PLEKHA7: variants seen among roughly 807,000 people sequenced by gnomAD.
PLEKHA7 encodes the protein pleckstrin homology domain-containing family A member 7.
PLEKHA7 carries 104 observed loss-of-function variants against 170.0 expected under a neutral mutation model. The observed-to-expected ratio is 0.61, with a 90% confidence interval of 0.52 to 0.72. The LOEUF is 0.72. PLEKHA7 is among the 30% of genes least tolerant of loss of function. The pLI is 0.00. For synonymous variants in PLEKHA7, 648 were observed against 660.8 expected, an observed-to-expected ratio of 0.98 and a Z score of 0.30; for missense variants, 1,615 against 1,671.7, an observed-to-expected ratio of 0.97 and a Z score of 0.59.
chr11:16,892,439 GTT>G (rs1856705517), intron 3 of PLEKHA7, among the ~76,000 whole-genome samples: 2 of 97,724 alleles, frequency 2.0e-5, no homozygotes, highest in East Asian at 2.2e-4. Context: ...TGTGTGTTTT[GTT>G]TTGTTTTGTT....
In PLEKHA7 at chr11:16,888,364, C is replaced by A. The variant is rs564820308; in HGVS notation, c.222-17182G>T. ...GGTGTACCCAACAGCTCATTGAGAGCGGGCCAATGATGACGATGGCGGTTT... is the reference window on the plus strand; with the variant it reads ...GGTGTACCCAACAGCTCATTGAGAGAGGGCCAATGATGACGATGGCGGTTT... On this transcript the variant is annotated intron_variant, in intron 3 of 26. Coordinates refer to ENST00000531066, the MANE Select transcript of PLEKHA7 (RefSeq NM_001329630.2). Among the ~76,000 whole-genome samples, 9 of 152,236 alleles carry A rather than the reference C, an allele frequency of 5.9e-5. No homozygotes were observed. The East Asian group carries it at 1.7e-3, about 29-fold the overall frequency.
At chr11:16,931,451 A>G (rs1243342704) in intron 3 of PLEKHA7, among the ~76,000 whole-genome samples, 1 of 152,150 alleles carries the variant, frequency 6.6e-6, no homozygotes, top group Non-Finnish European at 1.5e-5. Flanking sequence ...GGCCAGGTAC[A>G]GTGGCTCACA....
chr11:16,928,444 T>A (rs1295491138), intron 3 of PLEKHA7, among the ~76,000 whole-genome samples: 2 of 127,606 alleles, frequency 1.6e-5, no homozygotes, highest in Admixed American at 1.5e-4. Flanking sequence ...TGCCCCCAGA[T>A]TTTTTTTTTT....
At chr11:16,882,907 G>A (rs1179483253) in intron 3 of PLEKHA7, among the ~76,000 whole-genome samples, 3 of 151,838 alleles carry the variant, frequency 2.0e-5, no homozygotes, top group East Asian at 3.9e-4. Context: ...AGTGGGTGTC[G>A]TCATAGAAAA....
intron 3 of PLEKHA7, among the ~76,000 whole-genome samples, chr11:17,011,945 CTT>C (rs1865344497): frequency 9.4e-6 from 1 of 106,750 alleles, no homozygotes; most frequent in African/African-American, 3.2e-5. Context: ...ATCTTTGCCT[CTT>C]CTCTTTCTCC....
At chr11:16,855,619 C>T in intron 5 of PLEKHA7, 184 bp downstream of exon 5, 1 of 596,900 alleles carries the variant, frequency 1.7e-6, no homozygotes, top group Non-Finnish European at 3.0e-6. Flanking sequence ...CAGCAATCAC[C>T]TGTTCTGCTG....
At chr11:16,782,124 CAT>C (rs1178091430) in intron 26 of PLEKHA7, among the ~76,000 whole-genome samples, 8 of 151,554 alleles carry the variant, frequency 5.3e-5, no homozygotes, top group African/African-American at 1.9e-4. Context: ...CACAGACACA[CAT>C]ACACACACAC....
chr11:16,814,947 G>A (rs1590204106), intron 12 of PLEKHA7, among the ~76,000 whole-genome samples: 1 of 152,214 alleles, frequency 6.6e-6, no homozygotes, highest in South Asian at 2.1e-4. Context: ...AGCCAGAGAA[G>A]CGACAGTTTA....
chr11:16,822,660 A>G (rs137949280), intron 10 of PLEKHA7, among the ~76,000 whole-genome samples: 2 of 152,254 alleles, frequency 1.3e-5, no homozygotes, highest in African/African-American at 4.8e-5. Context: ...CATCTCCTTC[A>G]GGTGACTTAG....
intron 3 of PLEKHA7, among the ~76,000 whole-genome samples, chr11:16,909,984 C>T (rs1270859291): frequency 6.6e-6 from 1 of 151,866 alleles, no homozygotes; most frequent in Non-Finnish European, 1.5e-5. Flanking sequence ...GCAATGGCCA[C>T]CAAGAAGAGG....
intron 3 of PLEKHA7, among the ~76,000 whole-genome samples, chr11:16,955,875 A>C (rs1432174736): frequency 6.6e-6 from 1 of 152,152 alleles, no homozygotes; most frequent in Non-Finnish European, 1.5e-5. Flanking sequence ...AAAGAGGGGG[A>C]TTCTAGAGAC....
intron 26 of PLEKHA7, among the ~76,000 whole-genome samples, chr11:16,781,823 A>ACC (rs1333211308): frequency 6.6e-6 from 1 of 152,084 alleles, no homozygotes; most frequent in Non-Finnish European, 1.5e-5. Context: ...CTACTTCTAG[A>ACC]CACTTTGGCC....
chr11:16,809,469 C>A (rs763774676), intron 13 of PLEKHA7, among the ~76,000 whole-genome samples: 14 of 152,330 alleles, frequency 9.2e-5, no homozygotes, highest in South Asian at 2.1e-4. Flanking sequence ...ACCTCACCCC[C>A]CTCCAAGGAA....
Position 16,791,375 on chromosome 11 carries a change from A to T in PLEKHA7, c.2746-176T>A, listed in dbSNP as rs1328269236. 4.8e-6 allele frequency: 3 copies of T among 630,550 alleles called. No individual in the cohort carries two copies. In the African/African-American group the frequency reaches 5.5e-5, roughly 12 times the overall value. The allele number at this position is 630,550 out of a possible 1,614,324, so 39.1% of individuals were successfully genotyped here. On this transcript the variant is annotated intron_variant, in intron 19 of 26. Transcript: ENST00000531066. This position sits in a 1 kb window ranked among gnomAD's most constrained non-coding sequence, Gnocchi z 4.5. ...CCCCTGGCGGAGCAGTGAAGAAGGG[A>T]CATGCTCTGCTCCTCTATCCCCTCA...
Position 16,934,576 on chromosome 11 carries a change from C to A in PLEKHA7, c.222-63394G>T, listed in dbSNP as rs546361700. ...GCTTTTTACCTAAACAGAAACAGTA[C>A]CAGGCTATTGCCATTCTCCTTGTCT... On this transcript the variant is annotated intron_variant, in intron 3 of 26. Coordinates refer to ENST00000531066, the MANE Select transcript of PLEKHA7 (RefSeq NM_001329630.2). 1.8e-4 allele frequency among the ~76,000 whole-genome samples: 28 copies of A among 152,270 alleles called. 1 individual carries two copies. The South Asian group carries it at 5.6e-3, about 30-fold the overall frequency.
At chr11:16,979,805 T>C (rs1315754770) in intron 3 of PLEKHA7, among the ~76,000 whole-genome samples, 1 of 152,132 alleles carries the variant, frequency 6.6e-6, no homozygotes, top group Non-Finnish European at 1.5e-5. Flanking sequence ...GGTCTACCAA[T>C]ATTTCTCCTC....
chr11:16,862,776 C>T (rs967761721), intron 4 of PLEKHA7, among the ~76,000 whole-genome samples: 6 of 152,200 alleles, frequency 3.9e-5, no homozygotes, highest in Non-Finnish European at 8.8e-5. Context: ...CCCCTACGTG[C>T]GACTATCATA....
intron 3 of PLEKHA7, among the ~76,000 whole-genome samples, chr11:16,984,545 A>G (rs1286033392): frequency 2.0e-5 from 3 of 152,016 alleles, no homozygotes; most frequent in Non-Finnish European, 4.4e-5. Flanking sequence ...CTGCCCCTAC[A>G]TGGCTTGATC....
chr11:16,916,759 G>A (rs1339279326), intron 3 of PLEKHA7, among the ~76,000 whole-genome samples: 2 of 152,108 alleles, frequency 1.3e-5, no homozygotes, highest in Non-Finnish European at 2.9e-5. Context: ...CTAGTTTTCT[G>A]ATCTGACTGA....
Sources: gnomAD v4.1 joint callset for allele counts (sites outside exome capture counted in the v4.1 genomes callset) on GRCh38, gnomAD v4.1.1 for gene constraint, Gnocchi (gnomAD v3.1) non-coding constraint, MANE v1.5 for transcripts, NCBI Gene and HGNC (gene_info 2026-07-23, HGNC 2026-07-21) for gene names.